Variants in SLCO3A1 observed in about 807,000 individuals in gnomAD.
The protein encoded by SLCO3A1 is solute carrier organic anion transporter family member 3A1, also known as PGE1 transporter.
SLCO3A1 carries 27 observed loss-of-function variants against 63.1 expected under a neutral mutation model. The ratio of observed to expected loss-of-function variants is 0.43; its 90% CI spans 0.32 to 0.59. The LOEUF is 0.59. SLCO3A1 is among the 20% of genes least tolerant of loss of function. The pLI is 0.09. For missense variants in SLCO3A1, 773 were observed against 945.8 expected, an observed-to-expected ratio of 0.82 and a Z score of 2.40; for synonymous variants, 473 against 409.9, an observed-to-expected ratio of 1.15 and a Z score of -1.86.
rs536155425 is a variant in SLCO3A1 at position 92,147,524 on chromosome 15, C to T, written c.1688+365C>T. On this transcript the variant is annotated intron_variant, in intron 8 of 9. Coordinates refer to ENST00000318445, the MANE Select transcript of SLCO3A1 (RefSeq NM_013272.4). Reference sequence around the variant, plus strand: ...CCCTGCCACTGCTTAGCCATATGACCGTGGGCATTTTCCCCCTAGACTTGC... The same window carrying T: ...CCCTGCCACTGCTTAGCCATATGACTGTGGGCATTTTCCCCCTAGACTTGC... Among the ~76,000 whole-genome samples the T allele has an allele frequency of 5.8e-4, 88 of 152,242 alleles. No homozygotes were observed. The South Asian group carries it at 0.015, about 25-fold the overall frequency.
chr15:91,995,180 G>A lies in SLCO3A1; in HGVS notation c.646+78722G>A, dbSNP rs1170635748. On this transcript the variant is annotated intron_variant, in intron 2 of 9. Coordinates refer to ENST00000318445, the MANE Select transcript of SLCO3A1 (RefSeq NM_013272.4). ...TATGTGTTGTGGAGCCAGAGGTGAT[G>A]CTGTTGGATGTGGGTGGTGATTTAC... Among the ~76,000 whole-genome samples, 3 of 152,306 alleles carry A rather than the reference G, an allele frequency of 2.0e-5. No individual in the cohort carries two copies. The East Asian group carries it at 5.8e-4, about 29-fold the overall frequency.
chr15:91,935,470 A>G (rs1043642642), intron 2 of SLCO3A1, among the ~76,000 whole-genome samples: 1 of 152,198 alleles, frequency 6.6e-6, no homozygotes, highest in African/African-American at 2.4e-5. Context: ...AAGGGGTGCA[A>G]AAGCCATTCA....
At chr15:92,080,519 G>A (rs2047330905) in intron 2 of SLCO3A1, among the ~76,000 whole-genome samples, 1 of 152,132 alleles carries the variant, frequency 6.6e-6, no homozygotes, top group Non-Finnish European at 1.5e-5. Context: ...GGAGGAGGTG[G>A]TATTTAAGGC....
At chr15:91,976,746 C>T (rs895383642) in intron 2 of SLCO3A1, among the ~76,000 whole-genome samples, 5 of 152,020 alleles carry the variant, frequency 3.3e-5, no homozygotes, top group African/African-American at 9.7e-5. Context: ...TGGTAGGTTC[C>T]GTGATGCCCC....
At chr15:91,909,316 A>T (rs1220553306) in intron 1 of SLCO3A1, among the ~76,000 whole-genome samples, 1 of 152,174 alleles carries the variant, frequency 6.6e-6, no homozygotes, top group Non-Finnish European at 1.5e-5. Flanking sequence ...TTTTATTGAA[A>T]CACAGCCATT....
chr15:91,955,543 G>A (rs1355440583), intron 2 of SLCO3A1, among the ~76,000 whole-genome samples: 3 of 152,106 alleles, frequency 2.0e-5, no homozygotes, highest in Admixed American at 2.0e-4. Flanking sequence ...ATGTTGGCCA[G>A]GCTGGTCTTG....
In SLCO3A1 at chr15:91,863,527, G is replaced by A. The variant is rs928382689; in HGVS notation, c.180+9439G>A. ...TGGAATTTACTGTGTCTTGTGGGAT[G>A]CTTTGCATAAGCAGCATGTATTCCA... On this transcript the variant is annotated intron_variant, in intron 1 of 9. Coordinates refer to ENST00000318445, the MANE Select transcript of SLCO3A1 (RefSeq NM_013272.4). This position sits in a 1 kb window ranked among gnomAD's most constrained non-coding sequence, Gnocchi z 4.3. 6.6e-6 allele frequency among the ~76,000 whole-genome samples: 1 copy of A among 152,242 alleles called. No homozygotes were observed. Among genetic ancestry groups the A allele is most frequent in the Non-Finnish European group, 1.5e-5 (1 of 68,052 alleles).
At chr15:92,138,961 C>G (rs2048092805) in intron 7 of SLCO3A1, among the ~76,000 whole-genome samples, 1 of 107,150 alleles carries the variant, frequency 9.3e-6, no homozygotes, top group Non-Finnish European at 1.8e-5. Flanking sequence ...ATTGAATACC[C>G]TTTATTTCCT....
At chr15:91,890,219 C>G (rs1416637956) in intron 1 of SLCO3A1, among the ~76,000 whole-genome samples, 4 of 152,070 alleles carry the variant, frequency 2.6e-5, no homozygotes, top group African/African-American at 9.7e-5. Flanking sequence ...ACACGTATAC[C>G]CACTGTCATG....
chr15:92,108,666 C>G (rs1253023723), intron 4 of SLCO3A1, among the ~76,000 whole-genome samples: 1 of 152,208 alleles, frequency 6.6e-6, no homozygotes, highest in African/African-American at 2.4e-5. Context: ...TGACGAGGGT[C>G]TCTTCTGCAG....
At position 92,094,750 on chromosome 15, in the gene SLCO3A1, C is replaced by T. The variant is rs373736114; in HGVS notation, c.647-131C>T. On this transcript the variant is annotated intron_variant, in intron 2 of 9. Transcript: ENST00000318445. ...AAATTAGAAATTCAGCCTTTCCCCTCTAGGATTTTTAGATGAATTCCTAAT... is the reference window on the plus strand; with the variant it reads ...AAATTAGAAATTCAGCCTTTCCCCTTTAGGATTTTTAGATGAATTCCTAAT... 3.8e-4 allele frequency: 233 copies of T among 618,418 alleles called. 1 individual carries two copies. The African/African-American group carries it at 3.8e-3, about 10-fold the overall frequency. 38.3% of individuals were successfully genotyped at this position (618,418 alleles called of 1,614,324 possible). A position where few individuals can be genotyped will look rare whatever the true frequency, so the allele number is the denominator to read the frequency against.
In SLCO3A1 at chr15:92,050,277, T is replaced by C. The variant is rs560750785; in HGVS notation, c.647-44604T>C. 1.8e-3 allele frequency among the ~76,000 whole-genome samples: 281 copies of C among 152,310 alleles called. 1 individual carries two copies. The highest frequency in any genetic ancestry group is 6.6e-3 in the African/African-American group (274 of 41,558). On this transcript the variant is annotated intron_variant, in intron 2 of 9. Transcript: ENST00000318445. ...CCTCTGTGGGCTGGGCACTCTGCCC[T>C]TGAGGAGTCGCCAGCCACAGAGGGA...
chr15:92,168,359 C>G (rs2048504303), downstream of SLCO3A1, among the ~76,000 whole-genome samples: 1 of 152,186 alleles, frequency 6.6e-6, no homozygotes, highest in Admixed American at 6.5e-5. Context: ...CAAGTTTTTT[C>G]TCTAATGGGC....
intron 2 of SLCO3A1, among the ~76,000 whole-genome samples, chr15:92,062,671 C>G (rs544573795): frequency 6.6e-6 from 1 of 152,140 alleles, no homozygotes; most frequent in African/African-American, 2.4e-5. Flanking sequence ...TTTGGGGTGG[C>G]GAGATCCAGA....
In SLCO3A1 at chr15:92,057,787, G is replaced by A. The variant is rs1299671281; in HGVS notation, c.647-37094G>A. On this transcript the variant is annotated intron_variant, in intron 2 of 9. Transcript: ENST00000318445. ...CCATCCCATTTCTCAGTGGACAAATGAGCACATTTGGTTGCAGAAGGGAGA... is the reference window on the plus strand; with the variant it reads ...CCATCCCATTTCTCAGTGGACAAATAAGCACATTTGGTTGCAGAAGGGAGA... Among the ~76,000 whole-genome samples, 5 of 152,210 alleles carry A rather than the reference G, an allele frequency of 3.3e-5. No homozygotes were observed. The East Asian group carries it at 7.7e-4, about 23-fold the overall frequency.
At chr15:91,876,882 C>G (rs1176226689) in intron 1 of SLCO3A1, among the ~76,000 whole-genome samples, 1 of 152,222 alleles carries the variant, frequency 6.6e-6, no homozygotes, top group East Asian at 1.9e-4. Context: ...TTTCTGTATT[C>G]ACATTGCCTG....
chr15:91,874,915 A>T (rs1897363584), intron 1 of SLCO3A1, among the ~76,000 whole-genome samples: 1 of 152,144 alleles, frequency 6.6e-6, no homozygotes, highest in South Asian at 2.1e-4. Context: ...GACTAGATTT[A>T]AGTTTTGCTT....
At chr15:91,951,159 A>G (rs1164937708) in intron 2 of SLCO3A1, among the ~76,000 whole-genome samples, 3 of 152,166 alleles carry the variant, frequency 2.0e-5, no homozygotes, top group African/African-American at 7.2e-5. Context: ...TACAACCATC[A>G]CCATTATCTA....
At chr15:91,970,066 G>A (rs1184721055) in intron 2 of SLCO3A1, among the ~76,000 whole-genome samples, 2 of 152,076 alleles carry the variant, frequency 1.3e-5, no homozygotes, top group Non-Finnish European at 2.9e-5. Context: ...TGCTCACCCA[G>A]AAAAACATTT....
Sources: gnomAD v4.1 joint callset for allele counts (sites outside exome capture counted in the v4.1 genomes callset) on GRCh38, gnomAD v4.1.1 for gene constraint, Gnocchi (gnomAD v3.1) non-coding constraint, MANE v1.5 for transcripts, NCBI Gene and HGNC (gene_info 2026-07-23, HGNC 2026-07-21) for gene names.